NHERF1: variants seen among roughly 807,000 people sequenced by gnomAD.
The protein encoded by NHERF1 is NHERF family PDZ scaffold protein 1.
chr17:74,759,601 G>C, the NHERF1 span, among the ~76,000 whole-genome samples: 1 of 152,248 alleles, frequency 6.6e-6, no homozygotes, highest in Non-Finnish European at 1.5e-5. Flanking sequence ...CTCCAGCTGC[G>C]AGAGGCCCTG....
the NHERF1 span, among the ~76,000 whole-genome samples, chr17:74,757,706 A>G: frequency 5.3e-5 from 8 of 152,178 alleles, no homozygotes; most frequent in Admixed American, 3.3e-4. Flanking sequence ...CTCCCAGAGC[A>G]AATATGGCTC....
At chr17:74,767,873 C>G in the NHERF1 span, 1 of 539,626 alleles carries the variant, frequency 1.9e-6, no homozygotes, top group South Asian at 1.7e-5. Context: ...TTGGAGTGGC[C>G]CAGGGAGAGG....
chr17:74,753,334 G>A, the NHERF1 span, among the ~76,000 whole-genome samples: 4 of 152,182 alleles, frequency 2.6e-5, no homozygotes, highest in Admixed American at 1.3e-4. Context: ...GGAGCAAGGT[G>A]GGTGGTGGGG....
the NHERF1 span, among the ~76,000 whole-genome samples, chr17:74,749,870 C>T: frequency 6.6e-6 from 1 of 152,232 alleles, no homozygotes; most frequent in Non-Finnish European, 1.5e-5. The surrounding 1 kb of genome is among the most constrained non-coding windows in gnomAD (Gnocchi z 5.6). Flanking sequence ...TCCTGTGTGA[C>T]TTCTAAGGGA....
At chr17:74,766,858 C>G in the NHERF1 span, 1 of 1,426,294 alleles carries the variant, frequency 7.0e-7, no homozygotes, top group Non-Finnish European at 9.9e-7. Flanking sequence ...ATAATCTGCC[C>G]AAACCCAACT....
At chr17:74,750,758 C>T in the NHERF1 span, among the ~76,000 whole-genome samples, 2 of 144,816 alleles carry the variant, frequency 1.4e-5, no homozygotes, top group Non-Finnish European at 3.0e-5. Context: ...GGCACCCACA[C>T]AAATACCCAC....
At chr17:74,768,574 A>T in the NHERF1 span, 3 of 1,614,128 alleles carry the variant, frequency 1.9e-6, no homozygotes, top group South Asian at 3.3e-5. Flanking sequence ...ATGGCCAAAG[A>T]GAGGGCCCAC....
the NHERF1 span, chr17:74,763,445 C>T: frequency 5.6e-6 from 9 of 1,613,908 alleles, no homozygotes; most frequent in East Asian, 2.0e-4. Flanking sequence ...CGAGACCAAG[C>T]TGCTGGTGGT....
the NHERF1 span, among the ~76,000 whole-genome samples, chr17:74,761,713 A>G: frequency 1.3e-5 from 2 of 152,208 alleles, no homozygotes; most frequent in Non-Finnish European, 2.9e-5. This position sits in a 1 kb window ranked among gnomAD's most constrained non-coding sequence, Gnocchi z 4.3. Flanking sequence ...GACTGTCAGA[A>G]GGGACAGGCA....
chr17:74,751,286 C>T, the NHERF1 span, among the ~76,000 whole-genome samples: 1 of 152,230 alleles, frequency 6.6e-6, no homozygotes, highest in Non-Finnish European at 1.5e-5. The surrounding 1 kb of genome is among the most constrained non-coding windows in gnomAD (Gnocchi z 4.3). Flanking sequence ...CATACAGACA[C>T]CCATGTGGTT....
At chr17:74,767,869 T>C in the NHERF1 span, 1 of 511,546 alleles carries the variant, frequency 2.0e-6, no homozygotes, top group Non-Finnish European at 3.7e-6. Flanking sequence ...CACATTGGAG[T>C]GGCCCAGGGA....
At chr17:74,762,116 G>A in the NHERF1 span, 3 of 1,614,170 alleles carry the variant, frequency 1.9e-6, no homozygotes, top group African/African-American at 4.0e-5. This position sits in a 1 kb window ranked among gnomAD's most constrained non-coding sequence, Gnocchi z 4.2. Context: ...TCCGGTCAGT[G>A]GACCCAGACT....
chr17:74,749,301 A>G, the NHERF1 span: 69,067 of 1,525,134 alleles, frequency 0.045, 2,002 homozygotes, highest in African/African-American at 0.14. The surrounding 1 kb of genome is among the most constrained non-coding windows in gnomAD (Gnocchi z 5.6). Flanking sequence ...AGCGGGGCCC[A>G]AGCCGCGCAG....
the NHERF1 span, among the ~76,000 whole-genome samples, chr17:74,754,551 C>T: frequency 6.6e-4 from 100 of 151,982 alleles, no homozygotes; most frequent in African/African-American, 2.2e-3. Context: ...TACAAACACC[C>T]GCCACCACAC....
At chr17:74,762,076 A>G in the NHERF1 span, 1 of 1,614,018 alleles carries the variant, frequency 6.2e-7, no homozygotes, top group South Asian at 1.1e-5. This position sits in a 1 kb window ranked among gnomAD's most constrained non-coding sequence, Gnocchi z 4.2. Context: ...TTCAACCTGC[A>G]CAGCGACAAG....
the NHERF1 span, chr17:74,762,296 C>G: frequency 2.0e-6 from 1 of 505,804 alleles, no homozygotes; most frequent in East Asian, 6.3e-5. This position sits in a 1 kb window ranked among gnomAD's most constrained non-coding sequence, Gnocchi z 4.2. Flanking sequence ...CCTGGAGCTG[C>G]TGGATGGATG....
chr17:74,756,273 C>CTTTCTTTTTT, the NHERF1 span, among the ~76,000 whole-genome samples: 6 of 71,994 alleles, frequency 8.3e-5, no homozygotes, highest in Admixed American at 2.1e-4. Flanking sequence ...TTCTTTCTTT[C>CTTTCTTTTTT]TTTTTTTTTT....
the NHERF1 span, among the ~76,000 whole-genome samples, chr17:74,765,069 A>C: frequency 6.6e-6 from 1 of 152,052 alleles, no homozygotes; most frequent in Non-Finnish European, 1.5e-5. Flanking sequence ...CCACCCCTGA[A>C]GCCATGTGGG....
the NHERF1 span, chr17:74,763,066 G>GA: frequency 3.1e-6 from 1 of 317,678 alleles, no homozygotes; most frequent in African/African-American, 2.1e-5. Flanking sequence ...ACCCAGGCTG[G>GA]GCCCCACCCC....
Sources: allele counts gnomAD v4.1 joint callset (sites outside exome capture counted in the v4.1 genomes callset), GRCh38; gene constraint gnomAD v4.1.1; non-coding constraint Gnocchi (gnomAD v3.1); transcripts MANE v1.5; gene names NCBI Gene and HGNC (gene_info 2026-07-23, HGNC 2026-07-21).